CLIP1: variants seen among roughly 807,000 people sequenced by gnomAD.
CLIP1 encodes the protein CAP-Gly domain containing linker protein 1.
A neutral mutation model predicts 161.6 loss-of-function variants in CLIP1; 66 were observed. The observed-to-expected ratio is 0.41, with a 90% CI of 0.33 to 0.50. The LOEUF (loss-of-function observed/expected upper bound fraction) is 0.50, where lower values mean the gene tolerates loss of function less well. Among genes scored for constraint, CLIP1 ranks in the 20% least tolerant of loss-of-function variants. The pLI, the probability that CLIP1 is intolerant of heterozygous loss-of-function variation, is 0.27. For missense variants in CLIP1, 1,376 were observed against 1,702.0 expected (o/e 0.81, Z 3.37); for synonymous variants, 598 against 626.2 (o/e 0.96, Z 0.67).
chr12:122,397,908 T>C (rs537853603), intron 1 of CLIP1, among the ~76,000 whole-genome samples: 2 of 151,990 alleles, frequency 1.3e-5, no homozygotes, highest in African/African-American at 4.8e-5. Context: ...TGAGCCAAGA[T>C]TGTGCCACTG....
chr12:122,340,961 A>G lies in CLIP1; in HGVS notation c.2243T>C (p.Leu748Pro), dbSNP rs1566140444. ...GGTTTGTTCATTGCATTTGGCTTGC[A>G]GTACCTCTAGCTCCTTTACCTTTAT... ...AEIKVKELEV[L>P]QAKCNEQTKV... The change falls in exon 11 of 26, where the codon CTG becomes CCG. Residue 748 changes from leucine to proline, a missense_variant. Leu to Pro is a moderately conservative substitution (Grantham distance 98, BLOSUM62 -3). Around this residue, in one of 6 missense-constraint regions of CLIP1, gnomAD observed 948 missense variants for 1,134.8 expected, o/e 0.84. Coordinates refer to ENST00000620786, the MANE Select transcript of CLIP1 (RefSeq NM_001247997.2). 9.3e-6 allele frequency: 15 copies of G among 1,614,210 alleles called. No homozygotes were observed. The highest frequency in any genetic ancestry group is 1.2e-5 in the Non-Finnish European group (14 of 1,180,050).
intron 7 of CLIP1, among the ~76,000 whole-genome samples, chr12:122,353,429 G>C (rs536316187): frequency 6.6e-6 from 1 of 152,266 alleles, no homozygotes; most frequent in South Asian, 2.1e-4. Flanking sequence ...TTTGAGACCA[G>C]CCTGGTCAAT....
At chr12:122,335,245 C>T (rs1952163693) in intron 12 of CLIP1, among the ~76,000 whole-genome samples, 1 of 152,104 alleles carries the variant, frequency 6.6e-6, no homozygotes, top group Non-Finnish European at 1.5e-5. Context: ...CCTGGTTGTC[C>T]TGAGATGAAC....
chr12:122,328,977 G>A (rs1275447096), intron 15 of CLIP1, among the ~76,000 whole-genome samples: 1 of 152,144 alleles, frequency 6.6e-6, no homozygotes, highest in East Asian at 1.9e-4. Context: ...TAATTGGGAA[G>A]GTTTACTATT....
chr12:122,278,659 T>A, intron 23 of CLIP1, 133 bp downstream of exon 23: 2 of 927,588 alleles, frequency 2.2e-6, no homozygotes, highest in Non-Finnish European at 3.2e-6. Flanking sequence ...CTTGATTGAT[T>A]AAGTGGTGGA....
chr12:122,319,408 G>A (rs1036447541), intron 17 of CLIP1, 60 bp from the exon 18 acceptor site: 3 of 1,297,554 alleles, frequency 2.3e-6, no homozygotes, highest in Non-Finnish European at 3.4e-6. Flanking sequence ...CGTTAGGTGA[G>A]GATCGGGCTG....
intron 3 of CLIP1, among the ~76,000 whole-genome samples, chr12:122,376,225 C>A (rs1233819864): frequency 3.3e-5 from 5 of 152,078 alleles, no homozygotes; most frequent in African/African-American, 1.2e-4. Flanking sequence ...GAATGAGCCA[C>A]CCCGCCCGGC....
intron 3 of CLIP1, chr12:122,365,740 G>C (rs1008556945): frequency 8.0e-6 from 5 of 624,082 alleles, no homozygotes; most frequent in Non-Finnish European, 1.4e-5. Context: ...GGGCACAGTG[G>C]TTCATGCCTG....
At chr12:122,296,938 G>A (rs993704253) in intron 20 of CLIP1, among the ~76,000 whole-genome samples, 3 of 151,740 alleles carry the variant, frequency 2.0e-5, no homozygotes, top group Non-Finnish European at 4.4e-5. Context: ...TAGACGAGTG[G>A]CCAAGAGTTA....
At chr12:122,354,630 AG>A (rs1953239247) in intron 6 of CLIP1, 74 bp from the exon 7 acceptor site, 1 of 1,212,000 alleles carries the variant, frequency 8.3e-7, no homozygotes, top group East Asian at 2.4e-5. Flanking sequence ...TTCTCCAAAG[AG>A]CTGTGGGTCA....
chr12:122,305,574 C>T (rs1950834211), intron 20 of CLIP1, among the ~76,000 whole-genome samples: 1 of 152,204 alleles, frequency 6.6e-6, no homozygotes, highest in African/African-American at 2.4e-5. Flanking sequence ...GCCACCACAA[C>T]TCTGCAACAA....
chr12:122,336,903 A>G (rs893723180), intron 11 of CLIP1, among the ~76,000 whole-genome samples, 155 bp from the exon 12 acceptor site: 2 of 152,172 alleles, frequency 1.3e-5, no homozygotes, highest in African/African-American at 4.8e-5. Flanking sequence ...AATTCTAAGA[A>G]GTCAATGACT....
chr12:122,346,861 T>C (rs1952778315), intron 10 of CLIP1, among the ~76,000 whole-genome samples: 1 of 152,158 alleles, frequency 6.6e-6, no homozygotes, highest in Non-Finnish European at 1.5e-5. Flanking sequence ...AGATCAGCCT[T>C]CCAAGATAAA....
chr12:122,340,718 T>C (rs1335492954), intron 11 of CLIP1, 35 bp downstream of exon 11: 2 of 1,471,618 alleles, frequency 1.4e-6, no homozygotes, highest in Non-Finnish European at 9.2e-7. Context: ...GAATAACAAA[T>C]GGAAAAGAAA....
At position 122,320,219 on chromosome 12, in the gene CLIP1, A is replaced by G. The variant is rs1475659758; in HGVS notation, c.3250-871T>C. Among the ~76,000 whole-genome samples, 4 of 148,012 alleles carry G rather than the reference A, an allele frequency of 2.7e-5. No individual in the cohort carries two copies. In the East Asian group the frequency reaches 8.4e-4, roughly 31 times the overall value. On this transcript the variant is annotated intron_variant, in intron 17 of 25. Transcript: ENST00000620786. ...GAGGCGGAGGTTGCAGTGAGCTGAG[A>G]TTGCGCCACTGCACTCCAGCCTGGC...
At chr12:122,346,124 G>T (rs1952735137) in intron 10 of CLIP1, among the ~76,000 whole-genome samples, 1 of 152,138 alleles carries the variant, frequency 6.6e-6, no homozygotes, top group South Asian at 2.1e-4. Context: ...TTCCATAATA[G>T]ACGGACTCCA....
intron 1 of CLIP1, among the ~76,000 whole-genome samples, chr12:122,381,306 A>G (rs1256862876): frequency 6.6e-6 from 1 of 152,216 alleles, no homozygotes; most frequent in Admixed American, 6.5e-5. Flanking sequence ...GCAATTTACA[A>G]TATAAAACTA....
At chr12:122,273,969 G>A in intron 25 of CLIP1, 69 bp downstream of exon 25, 1 of 1,425,026 alleles carries the variant, frequency 7.0e-7, no homozygotes. Context: ...TGACCCTCAA[G>A]TGGTCCGCCC....
intron 14 of CLIP1, 144 bp downstream of exon 14, chr12:122,333,883 G>C: frequency 1.7e-6 from 1 of 588,262 alleles, no homozygotes; most frequent in East Asian, 2.9e-5. Context: ...TCTCAAACAA[G>C]TATTTCATCA....
Sources: allele counts gnomAD v4.1 joint callset (sites outside exome capture counted in the v4.1 genomes callset), GRCh38; gene constraint gnomAD v4.1.1; regional missense constraint gnomAD v4.1.1; transcripts MANE v1.5; gene names NCBI Gene and HGNC (gene_info 2026-07-23, HGNC 2026-07-21).